Variants in SARDH observed in about 807,000 individuals in gnomAD.
SARDH encodes sarcosine dehydrogenase, mitochondrial.
Under a neutral mutation model 109.1 loss-of-function variants are expected in SARDH, and 95 were observed. The ratio of observed to expected loss-of-function variants is 0.87; its 90% CI spans 0.74 to 1.03. The LOEUF (loss-of-function observed/expected upper bound fraction) is 1.03. Among genes scored for constraint, SARDH ranks in the 50% least tolerant of loss-of-function variants. SARDH has a pLI of 0.00. For synonymous variants in SARDH, 572 were observed against 534.8 expected (o/e 1.07, Z -0.96); for missense variants, 1,267 against 1,287.8 (o/e 0.98, Z 0.25).
At chr9:133,678,771 G>A (rs1830601004) in intron 17 of SARDH, among the ~76,000 whole-genome samples, 1 of 152,204 alleles carries the variant, frequency 6.6e-6, no homozygotes, top group African/African-American at 2.4e-5. Context: ...CGTCTTCCCT[G>A]GGTCTCTGGG....
At chr9:133,679,871 C>G (rs1260359916) in intron 17 of SARDH, among the ~76,000 whole-genome samples, 7 of 152,214 alleles carry the variant, frequency 4.6e-5, no homozygotes, top group Non-Finnish European at 1.0e-4. Flanking sequence ...ACCCGGGGCC[C>G]GGGTCTGCAG....
chr9:133,716,633 A>AGCTGC (rs1251128453), intron 8 of SARDH, among the ~76,000 whole-genome samples: 1 of 152,022 alleles, frequency 6.6e-6, no homozygotes, highest in East Asian at 1.9e-4. Flanking sequence ...GGTGGGGCTG[A>AGCTGC]GCTGCGCTGT....
At chr9:133,673,492 G>C (rs984971115) in intron 17 of SARDH, among the ~76,000 whole-genome samples, 1 of 152,244 alleles carries the variant, frequency 6.6e-6, no homozygotes, top group African/African-American at 2.4e-5. Flanking sequence ...GGAGGGCAGA[G>C]GCCGCTCTCC....
At position 133,728,638 on chromosome 9, in the gene SARDH, G is replaced by A. The variant is rs1832572556; in HGVS notation, c.915+1127C>T. Among the ~76,000 whole-genome samples, 2 of 152,158 alleles carry A rather than the reference G, an allele frequency of 1.3e-5. No homozygotes were observed. Among genetic ancestry groups the A allele is most frequent in the Non-Finnish European group, 2.9e-5 (2 of 68,044 alleles). On this transcript the variant is annotated intron_variant, in intron 6 of 20. Transcript: ENST00000439388. This position sits in a 1 kb window ranked among gnomAD's most constrained non-coding sequence, Gnocchi z 5.0. The stretch of plus-strand genomic sequence containing the variant: ...GCCCTTATCAGCATGTTCTGGAATT[G>A]CACATGTACTTGTCTGTACCTCCCC...
At chr9:133,702,280 A>C (rs545680144) in intron 13 of SARDH, among the ~76,000 whole-genome samples, 11 of 152,120 alleles carry the variant, frequency 7.2e-5, no homozygotes, top group Non-Finnish European at 1.3e-4. Flanking sequence ...TGCGGGGGAG[A>C]AGACCCCCAA....
chr9:133,695,422 G>A lies in SARDH; in HGVS notation c.1807+801C>T, dbSNP rs572704519. Among the ~76,000 whole-genome samples the A allele has an allele frequency of 2.4e-4, 37 of 152,284 alleles. No homozygotes were observed. The South Asian group carries it at 7.1e-3, about 29-fold the overall frequency. ...CGCGCCATTGCACTCCAGCCTGAGC[G>A]ACAGAGCGAGACTCCGTCTCAAAAC... On this transcript the variant is annotated intron_variant, in intron 14 of 20. Coordinates refer to ENST00000439388, the MANE Select transcript of SARDH (RefSeq NM_001134707.2).
chr9:133,709,125 A>G lies in SARDH; in HGVS notation c.1329-697T>C, dbSNP rs1298235826. Among the ~76,000 whole-genome samples the G allele has an allele frequency of 6.6e-6, 1 of 152,072 alleles. No homozygotes were observed. Among genetic ancestry groups the G allele is most frequent in the Non-Finnish European group, 1.5e-5 (1 of 67,988 alleles). ...GGACCGGAGATGATGTGGCTGCAAT[A>G]GTTTTGGGTTTGTTCCTTCGAGGCT... On this transcript the variant is annotated intron_variant, in intron 10 of 20. Transcript: ENST00000439388. This position sits in a 1 kb window ranked among gnomAD's most constrained non-coding sequence, Gnocchi z 4.2.
chr9:133,683,218 G>C (rs2519129), intron 17 of SARDH, among the ~76,000 whole-genome samples: 2 of 152,044 alleles, frequency 1.3e-5, no homozygotes, highest in Admixed American at 6.5e-5. Flanking sequence ...GCCAGCCCCA[G>C]GAGAGGGGAG....
chr9:133,667,423 C>T (rs7033395), intron 19 of SARDH, among the ~76,000 whole-genome samples: 34,580 of 151,834 alleles, frequency 0.23, 4,213 homozygotes, highest in East Asian at 0.39. Context: ...ACCTCAGCCT[C>T]CCAAAGTGCT....
chr9:133,665,038 A>G (rs1018658731), intron 20 of SARDH, among the ~76,000 whole-genome samples: 1 of 152,124 alleles, frequency 6.6e-6, no homozygotes, highest in African/African-American at 2.4e-5. Context: ...CTTGGGTGCT[A>G]GAAAATGTTT....
Position 133,704,984 on chromosome 9 carries a change from C to G in SARDH, c.1518G>C (p.Glu506Asp). ...GCVFQERHGW[E>D]RPGWFHPRGP... ...CTCGGGGATGAAACCATCCCGGTCG[C>G]TCCCAGCCATGCCGCTCCTGGAACA... Residue 506 changes from glutamate (E) to aspartate (D), a missense_variant, in exon 12 of 21, where the codon GAG becomes GAC. Glu to Asp is a conservative substitution (Grantham distance 45). Coordinates refer to ENST00000439388, the MANE Select transcript of SARDH (RefSeq NM_001134707.2). The surrounding 1 kb of genome is among the most constrained non-coding windows in gnomAD (Gnocchi z 4.5). The G allele has an allele frequency of 6.3e-7, 1 of 1,587,868 alleles. No homozygotes were observed. The highest frequency in any genetic ancestry group is 8.6e-7 in the Non-Finnish European group (1 of 1,168,200).
At chr9:133,667,497 T>G (rs1249250152) in intron 19 of SARDH, among the ~76,000 whole-genome samples, 1 of 151,968 alleles carries the variant, frequency 6.6e-6, no homozygotes, top group African/African-American at 2.4e-5. Flanking sequence ...CAATACATAC[T>G]TTATTCAAAG....
In SARDH at chr9:133,702,916, C is replaced by T. The variant is rs1489271844; in HGVS notation, c.1668G>A (p.Thr556=). ...YTFAFPPHHD[T]IKKECLACRG... is the part of the protein sequence containing the mutation. ...CCCACGGTGGACCCCAGCTACGCAC[C>T]GTGTCGTGGTGGGGCGGGAAGGCGA... The change falls in exon 13 of 21, where the codon ACG becomes ACA. Residue 556 remains threonine, a splice_region_variant and synonymous_variant. Transcript: ENST00000439388. 2 of 1,611,130 alleles carry T rather than the reference C, an allele frequency of 1.2e-6. No individual in the cohort carries two copies. Among genetic ancestry groups the T allele is most frequent in the South Asian group, 1.1e-5 (1 of 90,960 alleles).
chr9:133,703,911 G>C (rs1376973046), intron 12 of SARDH, among the ~76,000 whole-genome samples: 2 of 152,166 alleles, frequency 1.3e-5, no homozygotes, highest in Non-Finnish European at 2.9e-5. Context: ...GGACACCCAG[G>C]CTGGCTCCCG....
In SARDH at chr9:133,696,452, A is replaced by T. The variant is rs889715473; in HGVS notation, c.1669-91T>A. The T allele has an allele frequency of 8.6e-6, 13 of 1,518,980 alleles. No individual in the cohort carries two copies. In the East Asian group the frequency reaches 2.9e-4, roughly 34 times the overall value. 94.1% of individuals were successfully genotyped at this position (1,518,980 alleles called of 1,614,324 possible). On this transcript the variant is annotated intron_variant, in intron 13 of 20. Coordinates refer to ENST00000439388, the MANE Select transcript of SARDH (RefSeq NM_001134707.2). ...GTGGAGAACGGGGGCTGTGTCCAAC[A>T]CACCTGTACTGAGCCTCCCCTCCCT... is the stretch of plus-strand genomic sequence containing the variant.
rs761824731 is a variant in SARDH, at chr9:133,734,121, C to T, written c.53G>A (p.Ser18Asn). 3.2e-5 allele frequency: 52 copies of T among 1,610,800 alleles called. No homozygotes were observed. The South Asian group carries it at 5.1e-4, about 16-fold the overall frequency. Residue 18 changes from serine (S) to asparagine (N), a missense_variant, in exon 2 of 21, where the codon AGC (serine) becomes AAC (asparagine). Physicochemically the swap from Ser to Asn is conservative, Grantham distance 46. Transcript: ENST00000439388. ...LRVAAAHPRQ[S>N]PTRGMGPCNL... ...GCATGGCCCCATGCCCCGGGTAGGG[C>T]TCTGGCGAGGGTGGGCAGCAGCCAC... is the stretch of plus-strand genomic sequence containing the variant.
chr9:133,659,897 G>A (rs1369935400), downstream of SARDH, among the ~76,000 whole-genome samples: 1 of 152,096 alleles, frequency 6.6e-6, no homozygotes, highest in Non-Finnish European at 1.5e-5. Flanking sequence ...GCCCAGAGAA[G>A]GGTCCCAGGG....
At chr9:133,691,125 A>C (rs17150844) in intron 15 of SARDH, among the ~76,000 whole-genome samples, 8,692 of 150,852 alleles carry the variant, frequency 0.058, 849 homozygotes, top group African/African-American at 0.2. Flanking sequence ...TTCTGGATGG[A>C]ATCCTCAGCT....
At position 133,692,047 on chromosome 9, in the gene SARDH, C is replaced by T. The variant is rs895902005; in HGVS notation, c.1922-1520G>A. Among the ~76,000 whole-genome samples the T allele has an allele frequency of 6.6e-6, 1 of 152,192 alleles. No individual in the cohort carries two copies. Among genetic ancestry groups the T allele is most frequent in the Non-Finnish European group, 1.5e-5 (1 of 68,030 alleles). ...TGAAAGCACTTTCCTGACAGCTTCC[C>T]CTTATGAGGGGGGACGAGCAAGGTC... On this transcript the variant is annotated intron_variant, in intron 15 of 20. Coordinates refer to ENST00000439388, the MANE Select transcript of SARDH (RefSeq NM_001134707.2). The surrounding 1 kb of genome is among the most constrained non-coding windows in gnomAD (Gnocchi z 5.0).
Sources: gnomAD v4.1 joint callset for allele counts (sites outside exome capture counted in the v4.1 genomes callset) on GRCh38, gnomAD v4.1.1 for gene constraint, Gnocchi (gnomAD v3.1) non-coding constraint, MANE v1.5 for transcripts, NCBI Gene and HGNC (gene_info 2026-07-23, HGNC 2026-07-21) for gene names.